ELAVL2: variants seen among roughly 807,000 people sequenced by gnomAD.
The protein encoded by ELAVL2 is ELAV-like protein 2.
A neutral mutation model predicts 34.6 loss-of-function variants in ELAVL2; 4 were observed. The observed-to-expected ratio is 0.12, with a 90% CI of 0.06 to 0.26. The LOEUF (loss-of-function observed/expected upper bound fraction) is 0.26. Ranked by LOEUF, ELAVL2 falls within the 10% of genes least tolerant of loss-of-function variation. ELAVL2 has a pLI of 1.00. For synonymous variants in ELAVL2, 193 were observed against 154.8 expected (o/e 1.25, Z -1.83); for missense variants, 432 against 442.8 (o/e 0.98, Z 0.22).
the ELAVL2 span, among the ~76,000 whole-genome samples, chr9:23,834,463 T>C: frequency 6.6e-6 from 1 of 151,982 alleles, no homozygotes; most frequent in Non-Finnish European, 1.5e-5. Context: ...ATCTATAAAA[T>C]TGTGATAATA....
intron 2 of ELAVL2, among the ~76,000 whole-genome samples, chr9:23,750,217 T>C (rs762220465): frequency 6.6e-6 from 1 of 152,062 alleles, no homozygotes; most frequent in Non-Finnish European, 1.5e-5. Flanking sequence ...TACTTTTAAG[T>C]AGCACATCAG....
intron 1 of ELAVL2, among the ~76,000 whole-genome samples, chr9:23,812,750 C>CAAAA (rs569118079): frequency 7.4e-6 from 1 of 135,054 alleles, no homozygotes; most frequent in African/African-American, 2.8e-5. Context: ...CTCCAAATAT[C>CAAAA]AAAAAAAAAA....
chr9:23,694,895 G>A (rs2034578938), intron 5 of ELAVL2, among the ~76,000 whole-genome samples: 1 of 152,088 alleles, frequency 6.6e-6, no homozygotes, highest in Non-Finnish European at 1.5e-5. Flanking sequence ...TGCGTGCCTT[G>A]ACCCACCACC....
chr9:23,785,035 A>C (rs912273612), intron 1 of ELAVL2, among the ~76,000 whole-genome samples: 11 of 152,218 alleles, frequency 7.2e-5, no homozygotes, highest in African/African-American at 2.7e-4. Context: ...CAAACCAGGA[A>C]ATGACAGTGA....
At chr9:23,743,471 G>A (rs1205503156) in intron 2 of ELAVL2, among the ~76,000 whole-genome samples, 1 of 152,100 alleles carries the variant, frequency 6.6e-6, no homozygotes, top group East Asian at 1.9e-4. Flanking sequence ...AAAGTAATGT[G>A]GCACCATCCA....
At chr9:23,757,050 A>C (rs2053731282) in intron 2 of ELAVL2, among the ~76,000 whole-genome samples, 1 of 151,908 alleles carries the variant, frequency 6.6e-6, no homozygotes, top group Admixed American at 6.6e-5. Context: ...AGATTCCAAA[A>C]CTCCCTTAGG....
rs141343365 is a variant in ELAVL2, at chr9:23,730,965, T to C, written c.333+57A>G. On this transcript the variant is annotated intron_variant, in intron 3 of 6. Transcript: ENST00000397312. The stretch of plus-strand genomic sequence containing the variant: ...AAGAAAGGAAAGAACTACAAATAAA[T>C]CTTAATTTTTTTAAACTTCTGTTCC... 6 of 1,487,162 alleles carry C rather than the reference T, an allele frequency of 4.0e-6. No homozygotes were observed. The African/African-American group carries it at 8.4e-5, about 21-fold the overall frequency. 92.1% of individuals were successfully genotyped at this position (1,487,162 alleles called of 1,614,324 possible).
At chr9:23,829,127 T>C (rs1218974288), upstream of ELAVL2, among the ~76,000 whole-genome samples, 1 of 152,220 alleles carries the variant, frequency 6.6e-6, no homozygotes, top group Non-Finnish European at 1.5e-5. Flanking sequence ...CTCTGACATA[T>C]CTTCCAAGTT....
intron 1 of ELAVL2, chr9:23,779,460 G>T: frequency 1.0e-6 from 1 of 964,942 alleles, no homozygotes; most frequent in South Asian, 4.8e-5. Flanking sequence ...GCTAGAGAGT[G>T]GGTGGGCGGG....
chr9:23,764,914 C>T, intron 1 of ELAVL2: 1 of 1,227,034 alleles, frequency 8.1e-7, no homozygotes, highest in East Asian at 2.4e-5. Context: ...AATTAGTATG[C>T]CAAATGAAAG....
chr9:23,724,845 T>C (rs1191103695), intron 3 of ELAVL2, among the ~76,000 whole-genome samples: 1 of 152,160 alleles, frequency 6.6e-6, no homozygotes, highest in Non-Finnish European at 1.5e-5. Flanking sequence ...GTTTCAATTT[T>C]TACCCCACTC....
At chr9:23,725,836 C>T (rs1243243016) in intron 3 of ELAVL2, among the ~76,000 whole-genome samples, 1 of 151,992 alleles carries the variant, frequency 6.6e-6, no homozygotes, top group African/African-American at 2.4e-5. Flanking sequence ...AACATTTCTT[C>T]TTAATATGCA....
intron 2 of ELAVL2, among the ~76,000 whole-genome samples, chr9:23,741,672 CACT>C (rs748336461): frequency 1.5e-4 from 23 of 152,122 alleles, no homozygotes; most frequent in Non-Finnish European, 2.6e-4. Context: ...AGTCCACCAC[CACT>C]GAGCCAAAGT....
At chr9:23,820,213 T>C (rs1425702584) in intron 1 of ELAVL2, among the ~76,000 whole-genome samples, 1 of 152,158 alleles carries the variant, frequency 6.6e-6, no homozygotes, top group Non-Finnish European at 1.5e-5. Flanking sequence ...CTTGAGGGAA[T>C]GGGGACATTA....
intron 1 of ELAVL2, among the ~76,000 whole-genome samples, chr9:23,804,577 A>G (rs2061982467): frequency 6.6e-6 from 1 of 152,234 alleles, no homozygotes; most frequent in Non-Finnish European, 1.5e-5. Context: ...TGCTTACAAT[A>G]GATACCTTAT....
intron 1 of ELAVL2, among the ~76,000 whole-genome samples, chr9:23,797,574 T>G (rs985607662): frequency 2.0e-5 from 3 of 151,916 alleles, no homozygotes; most frequent in African/African-American, 7.3e-5. Flanking sequence ...TGAGAGGAGA[T>G]TTTTTAAAGG....
intron 1 of ELAVL2, among the ~76,000 whole-genome samples, chr9:23,816,788 G>GTGT (rs372280204): frequency 3.6e-4 from 55 of 152,320 alleles, no homozygotes; most frequent in African/African-American, 1.3e-3. Flanking sequence ...TGGATACTCT[G>GTGT]TGTTGCCAGA....
At chr9:23,842,698 C>G in the ELAVL2 span, among the ~76,000 whole-genome samples, 1,223 of 152,154 alleles carry the variant, frequency 8.0e-3, 17 homozygotes, top group African/African-American at 0.028. Flanking sequence ...TTCAGAATAG[C>G]TGTCACTGCA....
chr9:23,728,850 T>A (rs1317695945), intron 3 of ELAVL2, among the ~76,000 whole-genome samples: 1 of 152,034 alleles, frequency 6.6e-6, no homozygotes, highest in Non-Finnish European at 1.5e-5. Flanking sequence ...GTGGGCCAAA[T>A]TGAGGATGCC....
Sources: allele counts gnomAD v4.1 joint callset (sites outside exome capture counted in the v4.1 genomes callset), GRCh38; gene constraint gnomAD v4.1.1; transcripts MANE v1.5; gene names NCBI Gene and HGNC (gene_info 2026-07-23, HGNC 2026-07-21).